STEAP4: variants seen among roughly 807,000 people sequenced by gnomAD.
STEAP4 encodes metalloreductase STEAP4.
In STEAP4, 36 loss-of-function variants were observed where a neutral mutation model predicts 43.6. That is an observed-to-expected ratio of 0.83 (90% CI 0.63 to 1.09). The LOEUF (loss-of-function observed/expected upper bound fraction) is 1.09. Ranked by LOEUF, STEAP4 falls within the 50% of genes least tolerant of loss-of-function variation. STEAP4 has a pLI of 0.00. For synonymous variants in STEAP4, 191 were observed against 196.7 expected (o/e 0.97, Z 0.24); for missense variants, 495 against 546.5 (o/e 0.91, Z 0.94).
intron 1 of STEAP4, among the ~76,000 whole-genome samples, chr7:88,295,397 T>G (rs181001713): frequency 6.6e-4 from 100 of 152,288 alleles, no homozygotes; most frequent in African/African-American, 2.3e-3. Context: ...CCAGTGGTTC[T>G]CAACCCTGGT....
intron 1 of STEAP4, among the ~76,000 whole-genome samples, chr7:88,306,368 G>A (rs1853131794): frequency 1.3e-5 from 2 of 152,228 alleles, no homozygotes; most frequent in African/African-American, 4.8e-5. Flanking sequence ...ATAAAAAAAT[G>A]GAAGTGGTTG....
In STEAP4 at chr7:88,271,820, C is replaced by T. The variant is rs1262291382; in HGVS notation, c.*7578G>A. ...GTATGTGAACCTACGTTTCCACAGC[C>T]TCACCCACAGAATGTGTGCTCAAAC... On this transcript the variant is annotated 3_prime_UTR_variant, in exon 5 of 5. Coordinates refer to ENST00000380079, the MANE Select transcript of STEAP4 (RefSeq NM_024636.4). 2 of 152,212 alleles carry T rather than the reference C, an allele frequency of 1.3e-5. No homozygotes were observed. Among genetic ancestry groups the T allele is most frequent in the African/African-American group, 4.8e-5 (2 of 41,454 alleles). 9.4% of individuals were successfully genotyped at this position (152,212 alleles called of 1,614,324 possible). A position where few individuals can be genotyped will look rare whatever the true frequency, so the allele number is the denominator to read the frequency against.
rs148710442 is a variant in STEAP4 at position 88,278,292 on chromosome 7, A to G, written c.*1106T>C. On this transcript the variant is annotated 3_prime_UTR_variant, in exon 5 of 5. Transcript: ENST00000380079. Reference sequence around the variant, plus strand: ...GATTTGAGAAAGATCCAAATTTCACATAATGATGAATCTTCACACCTCTCT... The same window carrying G: ...GATTTGAGAAAGATCCAAATTTCACGTAATGATGAATCTTCACACCTCTCT... 16 of 152,342 alleles carry G rather than the reference A, an allele frequency of 1.1e-4. No homozygotes were observed. Among genetic ancestry groups the G allele is most frequent in the Non-Finnish European group, 1.6e-4 (11 of 68,026 alleles). 9.4% of individuals were successfully genotyped at this position (152,342 alleles called of 1,614,324 possible).
At chr7:88,286,580 C>T (rs894745970) in intron 1 of STEAP4, among the ~76,000 whole-genome samples, 6 of 152,070 alleles carry the variant, frequency 3.9e-5, no homozygotes, top group South Asian at 2.1e-4. Flanking sequence ...GGCATGGAGG[C>T]GCACGCCTAT....
At chr7:88,292,457 A>G (rs1852851132) in intron 1 of STEAP4, 1 of 152,100 alleles carries the variant, frequency 6.6e-6, no homozygotes, top group South Asian at 2.1e-4. Context: ...AAATAAATCA[A>G]TCAAACTTTT....
rs925918354 is a variant in STEAP4, at chr7:88,278,670, T to G, written c.*728A>C. 6.6e-6 allele frequency: 1 copy of G among 152,220 alleles called. No individual in the cohort carries two copies. Among genetic ancestry groups the G allele is most frequent in the African/African-American group, 2.4e-5 (1 of 41,464 alleles). 9.4% of individuals were successfully genotyped at this position (152,220 alleles called of 1,614,324 possible). ...AATGCAAGTGAAATCCAAGGGGATATCCCTCCATTTTTATTCAGTCTTTCC... is the reference window on the plus strand; with the variant it reads ...AATGCAAGTGAAATCCAAGGGGATAGCCCTCCATTTTTATTCAGTCTTTCC... On this transcript the variant is annotated 3_prime_UTR_variant, in exon 5 of 5. Coordinates refer to ENST00000380079, the MANE Select transcript of STEAP4 (RefSeq NM_024636.4).
intron 1 of STEAP4, among the ~76,000 whole-genome samples, chr7:88,292,019 AGATACAAAG>A (rs1220153612): frequency 6.6e-6 from 1 of 152,166 alleles, no homozygotes; most frequent in Non-Finnish European, 1.5e-5. Context: ...TCAGTGACGC[AGATACAAAG>A]GTGGCAAAGA....
At chr7:88,298,385 G>T (rs913092545) in intron 1 of STEAP4, 1 of 151,152 alleles carries the variant, frequency 6.6e-6, no homozygotes, top group Non-Finnish European at 1.5e-5. Flanking sequence ...ATGTCAACTA[G>T]AACTAAGATA....
intron 1 of STEAP4, among the ~76,000 whole-genome samples, chr7:88,296,305 A>T (rs1852922696): frequency 6.6e-6 from 1 of 152,164 alleles, no homozygotes; most frequent in Non-Finnish European, 1.5e-5. Flanking sequence ...TCATCCAAAC[A>T]TCTGAATTCC....
At chr7:88,279,782 C>T in intron 4 of STEAP4, 154 bp from the exon 5 acceptor site, 1 of 622,692 alleles carries the variant, frequency 1.6e-6, no homozygotes, top group Non-Finnish European at 2.8e-6. Flanking sequence ...AAGCACTAAC[C>T]CTTCTTCAGG....
chr7:88,293,555 G>A (rs1347466440), intron 1 of STEAP4, among the ~76,000 whole-genome samples: 2 of 151,862 alleles, frequency 1.3e-5, no homozygotes, highest in African/African-American at 4.8e-5. Context: ...GGTCCTGAAT[G>A]TTTTCTTCTA....
chr7:88,296,472 G>A (rs139182971), intron 1 of STEAP4, among the ~76,000 whole-genome samples: 50 of 152,240 alleles, frequency 3.3e-4, no homozygotes, highest in African/African-American at 1.1e-3. Flanking sequence ...GCTGTAAATA[G>A]GAGGGTTTTT....
At chr7:88,281,520 A>G (rs997781743) in intron 3 of STEAP4, 1 of 152,968 alleles carries the variant, frequency 6.5e-6, no homozygotes, top group Non-Finnish European at 1.5e-5. Context: ...AATATAATAC[A>G]TCAGTCTTGC....
intron 1 of STEAP4, among the ~76,000 whole-genome samples, chr7:88,302,645 AT>A (rs1023582391): frequency 3.3e-5 from 5 of 150,886 alleles, no homozygotes; most frequent in Non-Finnish European, 5.9e-5. Context: ...TTCTTAATGC[AT>A]TTTTTTTTCC....
chr7:88,296,640 G>T (rs1442301441), intron 1 of STEAP4, among the ~76,000 whole-genome samples: 1 of 152,012 alleles, frequency 6.6e-6, no homozygotes, highest in East Asian at 1.9e-4. Flanking sequence ...AACTATATCA[G>T]TCTTCTTGTG....
chr7:88,303,208 A>AAAAT (rs1554544064), intron 1 of STEAP4, among the ~76,000 whole-genome samples: 1 of 144,776 alleles, frequency 6.9e-6, no homozygotes, highest in Non-Finnish European at 1.5e-5. Context: ...AAAAAAAAAA[A>AAAAT]ACTCCAACCG....
chr7:88,281,040 C>CT lies in STEAP4; in HGVS notation c.1023dup (p.Ala342SerfsTer5). The CT allele has an allele frequency of 6.2e-7, 1 of 1,611,164 alleles. No individual in the cohort carries two copies. Among genetic ancestry groups the CT allele is most frequent in the Non-Finnish European group, 8.5e-7 (1 of 1,179,042 alleles). ...GCCACATATGAATCACTGAGCCAGGCTGAGGAGGTGCTAAATGGATTCTCC... is the reference window on the plus strand; with the variant it reads ...GCCACATATGAATCACTGAGCCAGGCTTGAGGAGGTGCTAAATGGATTCTCC... On this transcript the variant is annotated frameshift_variant, in exon 4 of 5. Transcript: ENST00000380079. LOFTEE classifies it high-confidence loss of function.
chr7:88,293,096 C>A (rs977000606), intron 1 of STEAP4: 2 of 152,188 alleles, frequency 1.3e-5, no homozygotes, highest in Non-Finnish European at 2.9e-5. Context: ...GCTATACTGA[C>A]TTCGAATGTG....
At chr7:88,291,862 T>A (rs2115992922) in intron 1 of STEAP4, among the ~76,000 whole-genome samples, 1 of 152,330 alleles carries the variant, frequency 6.6e-6, no homozygotes, top group East Asian at 1.9e-4. Flanking sequence ...ACCTCAGTTA[T>A]GTAACAGGAA....
Sources: allele counts gnomAD v4.1 joint callset (sites outside exome capture counted in the v4.1 genomes callset), GRCh38; gene constraint gnomAD v4.1.1; transcripts MANE v1.5; gene names NCBI Gene and HGNC (gene_info 2026-07-23, HGNC 2026-07-21).